Variants in KIF18B observed in about 807,000 individuals in gnomAD.
The protein encoded by KIF18B is kinesin-like protein KIF18B.
Under a neutral mutation model 80.9 loss-of-function variants are expected in KIF18B, and 49 were observed. The ratio of observed to expected loss-of-function variants is 0.61; its 90% CI spans 0.48 to 0.77. The LOEUF (loss-of-function observed/expected upper bound fraction) is 0.77, where lower values mean the gene tolerates loss of function less well. KIF18B is among the 30% of genes least tolerant of loss of function. The pLI, the probability that KIF18B is intolerant of heterozygous loss-of-function variation, is 0.00. For missense variants in KIF18B, 994 were observed against 1,127.7 expected, an observed-to-expected ratio of 0.88 and a Z score of 1.70; for synonymous variants, 439 against 463.9, an observed-to-expected ratio of 0.95 and a Z score of 0.69.
intron 12 of KIF18B, 64 bp downstream of exon 12, chr17:44,928,755 G>A: frequency 2.0e-6 from 3 of 1,536,250 alleles, no homozygotes; most frequent in Non-Finnish European, 2.7e-6. Flanking sequence ...ACACCCCTTG[G>A]CCCCAGTGGG....
intron 15 of KIF18B, 24 bp from the exon 16 acceptor site, chr17:44,926,210 C>T (rs114482270): frequency 0.047 from 75,824 of 1,613,026 alleles, 2,296 homozygotes; most frequent in South Asian, 0.12. Context: ...GGATGGGTGG[C>T]GGGGAGTGCA....
Position 44,932,038 on chromosome 17 carries a change from C to CA in KIF18B, c.1389+17dup. The stretch of plus-strand genomic sequence containing the variant: ...CCAAGCCCTCCCGATACCCAGGCCT[C>CA]ACACCCCCAAGTCCTACCTCCTCAG... On this transcript the variant is annotated intron_variant, in intron 10 of 15. Coordinates refer to ENST00000593135, the MANE Select transcript of KIF18B (RefSeq NM_001265577.2). 6.3e-7 allele frequency: 1 copy of CA among 1,594,432 alleles called. No individual in the cohort carries two copies. Among genetic ancestry groups the CA allele is most frequent in the Non-Finnish European group, 8.6e-7 (1 of 1,168,066 alleles).
At chr17:44,926,959 C>G in intron 14 of KIF18B, 30 bp downstream of exon 14, 2 of 1,577,746 alleles carry the variant, frequency 1.3e-6, no homozygotes, top group African/African-American at 1.3e-5. Context: ...AGCTCCTTCT[C>G]CCAGACAGCT....
intron 2 of KIF18B, 44 bp downstream of exon 2, chr17:44,935,988 G>A: frequency 1.9e-6 from 3 of 1,561,758 alleles, no homozygotes; most frequent in Non-Finnish European, 1.8e-6. Context: ...CTTAGGAGGA[G>A]GCAGGGAGGC....
At position 44,934,479 on chromosome 17, in the gene KIF18B, G is replaced by A. The variant is rs145667760; in HGVS notation, c.687+28C>T. ...GGGGGAGATGGGCATCAGGGGCACT[G>A]GTTTCAGGCTCTGACCCATGACCTC... On this transcript the variant is annotated intron_variant, in intron 5 of 15. Coordinates refer to ENST00000593135, the MANE Select transcript of KIF18B (RefSeq NM_001265577.2). This position sits in a 1 kb window ranked among gnomAD's most constrained non-coding sequence, Gnocchi z 5.4. 1.2e-4 allele frequency: 191 copies of A among 1,606,620 alleles called. 1 individual carries two copies. The Middle Eastern group carries it at 2.0e-3, about 17-fold the overall frequency.
rs2052073680 is a variant in KIF18B at position 44,928,331 on chromosome 17, G to C, written c.1971C>G (p.Cys657Trp). Residue 657 changes from cysteine to tryptophan, a missense_variant, in exon 13 of 16, where the codon TGC (cysteine) becomes TGG (tryptophan). Physicochemically the swap from Cys to Trp is radical, Grantham distance 215. Transcript: ENST00000593135. ...TKRQRQSFLPCLRRGSLPDTQ... is the reference protein window; with the variant it reads ...TKRQRQSFLPWLRRGSLPDTQ... ...TGTCAGGCAGAGACCCTCTCCTTAG[G>C]CAGGGCAGGAAGGACTGGCGCTGGC... 2 of 1,611,514 alleles carry C rather than the reference G, an allele frequency of 1.2e-6. No homozygotes were observed. The highest frequency in any genetic ancestry group is 1.7e-6 in the Non-Finnish European group (2 of 1,179,280).
intron 14 of KIF18B, among the ~76,000 whole-genome samples, chr17:44,926,717 T>C (rs763175234): frequency 2.0e-5 from 3 of 152,022 alleles, no homozygotes; most frequent in Non-Finnish European, 4.4e-5. Context: ...GAGAGTCCCT[T>C]TGCTGGATTA....
In KIF18B at chr17:44,928,574, A is replaced by G; in HGVS notation, c.1728T>C (p.Pro576=). ...LAQELCSESI[P]VPSPLCPEPP... The stretch of plus-strand genomic sequence containing the variant: ...GCTCTGGGCAGAGAGGAGACGGCAC[A>G]GGGACTGCACAGAAGGAAGGAGAGT... Residue 576 remains proline (P), a synonymous_variant, in exon 13 of 16, where the codon CCT becomes CCC. Transcript: ENST00000593135. 1 of 1,450,328 alleles carries G rather than the reference A, an allele frequency of 6.9e-7. No individual in the cohort carries two copies. Among genetic ancestry groups the G allele is most frequent in the Non-Finnish European group, 9.0e-7 (1 of 1,108,724 alleles). 89.8% of individuals were successfully genotyped at this position (1,450,328 alleles called of 1,614,324 possible).
chr17:44,939,834 A>G (rs1394241990), intron 1 of KIF18B, among the ~76,000 whole-genome samples: 1 of 151,332 alleles, frequency 6.6e-6, no homozygotes, highest in Non-Finnish European at 1.5e-5. Context: ...TTTTTTTTTT[A>G]GACTGAGTCT....
chr17:44,928,435 A>G lies in KIF18B; in HGVS notation c.1867T>C (p.Trp623Arg), dbSNP rs1269351302. The change falls in exon 13 of 16, where the codon TGG (tryptophan) becomes CGG (arginine). Residue 623 changes from tryptophan to arginine, a missense_variant. By Grantham distance (101) the Trp-to-Arg change is moderately radical. Coordinates refer to ENST00000593135, the MANE Select transcript of KIF18B (RefSeq NM_001265577.2). ...CTCCTCCTCTTCTTCTCCATGGGCC[A>G]TCGGGACCCCTGGGCTGGGGTGCAG... ...PNCTPAQGSR[W>R]PMEKKRRRPS... 6.5e-7 allele frequency: 1 copy of G among 1,540,090 alleles called. No individual in the cohort carries two copies. The highest frequency in any genetic ancestry group is 8.7e-7 in the Non-Finnish European group (1 of 1,147,854).
chr17:44,935,213 C>T (rs1464810198), intron 3 of KIF18B, 46 bp downstream of exon 3: 1 of 1,532,052 alleles, frequency 6.5e-7, no homozygotes, highest in Non-Finnish European at 8.8e-7. Context: ...GGCTCACTTC[C>T]CCCCGGGTGG....
chr17:44,933,000 C>T lies in KIF18B; in HGVS notation c.1063-14G>A, dbSNP rs1473363541. On this transcript the variant is annotated splice_polypyrimidine_tract_variant and intron_variant, in intron 7 of 15. Transcript: ENST00000593135. The stretch of plus-strand genomic sequence containing the variant: ...ATTGCTCTTCAGCTGAGATGGGGAA[C>T]AGGAGAGAGATTTATTTGTTCATTC... The T allele has an allele frequency of 5.0e-6, 8 of 1,600,650 alleles. No homozygotes were observed. In the Admixed American group the frequency reaches 1.2e-4, roughly 24 times the overall value.
intron 1 of KIF18B, among the ~76,000 whole-genome samples, chr17:44,944,716 A>C (rs536050533): frequency 3.3e-5 from 5 of 152,180 alleles, no homozygotes; most frequent in Admixed American, 6.5e-5. Context: ...ATACATTTTA[A>C]ACTAACTCAG....
At chr17:44,929,375 C>T (rs571019028) in intron 11 of KIF18B, among the ~76,000 whole-genome samples, 2 of 152,354 alleles carry the variant, frequency 1.3e-5, no homozygotes, top group South Asian at 2.1e-4. Flanking sequence ...GGCTCTGCCA[C>T]CTACTAGAGC....
rs901627154 is a variant in KIF18B, at chr17:44,927,376, G to A, written c.2277-298C>T. ...CGCTTGTTACCGAGAGCTGCTTCTC[G>A]GGCTATGGAATGGGCGGGTGCGTGG... On this transcript the variant is annotated intron_variant, in intron 13 of 15. Coordinates refer to ENST00000593135, the MANE Select transcript of KIF18B (RefSeq NM_001265577.2). This position sits in a 1 kb window ranked among gnomAD's most constrained non-coding sequence, Gnocchi z 4.1. 6.6e-6 allele frequency among the ~76,000 whole-genome samples: 1 copy of A among 152,164 alleles called. No individual in the cohort carries two copies. The highest frequency in any genetic ancestry group is 1.5e-5 in the Non-Finnish European group (1 of 68,016).
At position 44,926,300 on chromosome 17, in the gene KIF18B, T is replaced by C. The variant is rs2052023792; in HGVS notation, c.2452+114A>G. The C allele has an allele frequency of 3.2e-6, 5 of 1,568,900 alleles. No individual in the cohort carries two copies. In the South Asian group the frequency reaches 5.8e-5, roughly 18 times the overall value. On this transcript the variant is annotated intron_variant, in intron 15 of 15. Transcript: ENST00000593135. Reference sequence around the variant, plus strand: ...CTCATCAGCAGCATCCCTGAGATGCTTGGCAATACCCTAGGCCCTCCTTTC... The same window carrying C: ...CTCATCAGCAGCATCCCTGAGATGCCTGGCAATACCCTAGGCCCTCCTTTC...
At chr17:44,938,979 G>A (rs1202292695) in intron 1 of KIF18B, among the ~76,000 whole-genome samples, 3 of 151,978 alleles carry the variant, frequency 2.0e-5, no homozygotes, top group Non-Finnish European at 4.4e-5. Context: ...GGGAGGTAGA[G>A]GTTGCGGTGA....
At chr17:44,947,113 C>CAAAAAAAAAAAAAAAAAAAAAAA (rs57955845) in intron 1 of KIF18B, among the ~76,000 whole-genome samples, 7 of 54,008 alleles carry the variant, frequency 1.3e-4, no homozygotes, top group African/African-American at 3.2e-4. Context: ...ACTCCATCTC[C>CAAAAAAAAAAAAAAAAAAAAAAA]AAAAAAAAAA....
chr17:44,938,039 G>A (rs1876768039), intron 1 of KIF18B, among the ~76,000 whole-genome samples: 1 of 151,300 alleles, frequency 6.6e-6, no homozygotes, highest in Admixed American at 6.6e-5. Flanking sequence ...TTTTGAGATG[G>A]AGTTTCACTC....
Sources: gnomAD v4.1 joint callset for allele counts (sites outside exome capture counted in the v4.1 genomes callset) on GRCh38, gnomAD v4.1.1 for gene constraint, Gnocchi (gnomAD v3.1) non-coding constraint, MANE v1.5 for transcripts, NCBI Gene and HGNC (gene_info 2026-07-23, HGNC 2026-07-21) for gene names.